The following HACD2 variants were observed in gnomAD, a reference collection of about 807,000 sequenced individuals.
HACD2 encodes 3-hydroxyacyl-CoA dehydratase 2.
Under a neutral mutation model 31.0 loss-of-function variants are expected in HACD2, and 15 were observed. That is an observed-to-expected ratio of 0.48 (90% CI 0.32 to 0.75). HACD2 has a LOEUF of 0.75. HACD2 is among the 30% of genes least tolerant of loss of function. The probability of loss-of-function intolerance (pLI) is 0.03; values close to 1 mark genes in which losing one functional copy is unlikely to be tolerated. For missense variants in HACD2, 283 were observed against 313.0 expected (o/e 0.90, Z 0.72); for synonymous variants, 115 against 122.2 (o/e 0.94, Z 0.39).
chr3:123,513,757 T>C (rs1338564224), intron 4 of HACD2, among the ~76,000 whole-genome samples: 1 of 152,130 alleles, frequency 6.6e-6, no homozygotes. Context: ...ACTTTCTCCA[T>C]TCCAGAATGG....
At chr3:123,553,506 G>C (rs1172554942) in intron 3 of HACD2, among the ~76,000 whole-genome samples, 1 of 152,212 alleles carries the variant, frequency 6.6e-6, no homozygotes, top group Non-Finnish European at 1.5e-5. Flanking sequence ...ATGGGCCCTG[G>C]GCATTCCTGC....
At chr3:123,541,838 A>C (rs2056494037) in intron 3 of HACD2, among the ~76,000 whole-genome samples, 1 of 152,190 alleles carries the variant, frequency 6.6e-6, no homozygotes, top group South Asian at 2.1e-4. Context: ...TCACAATGTA[A>C]AATGCTTGCA....
Position 123,548,762 on chromosome 3 carries a change from A to AC in HACD2, c.292+18999dup, listed in dbSNP as rs201989928. On this transcript the variant is annotated intron_variant, in intron 3 of 6. Transcript: ENST00000383657. ...TCAGCCTCTCTGAGTAGCTGGAACC[A>AC]CAGGTGTGTGTCACCATGCCTGGCT... 4.3e-3 allele frequency among the ~76,000 whole-genome samples: 654 copies of AC among 151,900 alleles called. 4 individuals are homozygous for AC. Among genetic ancestry groups the AC allele is most frequent in the African/African-American group, 0.015 (636 of 41,398 alleles).
chr3:123,564,211 A>G (rs1329330417), intron 3 of HACD2, among the ~76,000 whole-genome samples: 1 of 152,228 alleles, frequency 6.6e-6, no homozygotes, highest in Non-Finnish European at 1.5e-5. Flanking sequence ...TGCACCCAGG[A>G]GCAGACATCC....
intron 2 of HACD2, among the ~76,000 whole-genome samples, chr3:123,570,667 A>G (rs1451719657): frequency 6.6e-6 from 1 of 152,192 alleles, no homozygotes; most frequent in Non-Finnish European, 1.5e-5. Context: ...GGAGGAAAGT[A>G]TCACAGAAAA....
intron 1 of HACD2, 168 bp downstream of exon 1, chr3:123,584,705 G>A: frequency 4.2e-6 from 2 of 473,968 alleles, no homozygotes; most frequent in Non-Finnish European, 7.0e-6. Context: ...CACCGGGGCC[G>A]ATTCAGCGCT....
chr3:123,525,787 G>C (rs2056275995), intron 4 of HACD2, among the ~76,000 whole-genome samples: 1 of 152,178 alleles, frequency 6.6e-6, no homozygotes, highest in South Asian at 2.1e-4. Flanking sequence ...CTACAAGAAA[G>C]TGAGATATAT....
chr3:123,542,909 T>A (rs2056511192), intron 3 of HACD2, among the ~76,000 whole-genome samples: 1 of 152,244 alleles, frequency 6.6e-6, no homozygotes, highest in African/African-American at 2.4e-5. Flanking sequence ...TTAAAATGGA[T>A]GGAATCACAT....
At chr3:123,576,983 G>C (rs1048893914) in intron 2 of HACD2, among the ~76,000 whole-genome samples, 1 of 152,204 alleles carries the variant, frequency 6.6e-6, no homozygotes, top group African/African-American at 2.4e-5. Context: ...GCTGGGGTTA[G>C]AAGACTAACA....
rs192183103 is a variant in HACD2 at position 123,524,606 on chromosome 3, C to T, written c.381+3780G>A. Among the ~76,000 whole-genome samples, 170 of 152,340 alleles carry T rather than the reference C, an allele frequency of 1.1e-3. 1 individual carries two copies. The highest frequency in any genetic ancestry group is 3.9e-3 in the African/African-American group (164 of 41,580). ...TATGGATCTCACACAGGCATTTCCA[C>T]TCCATAGGGGAGTGAGAGAAGTCAG... On this transcript the variant is annotated intron_variant, in intron 4 of 6. Transcript: ENST00000383657.
At chr3:123,581,838 T>C (rs1396345202) in intron 2 of HACD2, among the ~76,000 whole-genome samples, 2 of 152,218 alleles carry the variant, frequency 1.3e-5, no homozygotes, top group African/African-American at 2.4e-5. Context: ...TATTATGTCT[T>C]CTATCTATCA....
At position 123,577,269 on chromosome 3, in the gene HACD2, C is replaced by CT. The variant is rs757031233; in HGVS notation, c.273+4942dup. Among the ~76,000 whole-genome samples, 15 of 152,292 alleles carry CT rather than the reference C, an allele frequency of 9.8e-5. No individual in the cohort carries two copies. In the South Asian group the frequency reaches 2.1e-3, roughly 21 times the overall value. On this transcript the variant is annotated intron_variant, in intron 2 of 6. Coordinates refer to ENST00000383657, the MANE Select transcript of HACD2 (RefSeq NM_198402.5). Reference sequence around the variant, plus strand: ...ACAGTTAACCTCTTTGCAGAGCAATCTTTAACCCATTTGAAATCTCACTGT... The same window carrying CT: ...ACAGTTAACCTCTTTGCAGAGCAATCTTTTAACCCATTTGAAATCTCACTGT...
intron 1 of HACD2, among the ~76,000 whole-genome samples, chr3:123,582,854 A>T (rs2056981277): frequency 6.6e-6 from 1 of 152,124 alleles, no homozygotes; most frequent in Non-Finnish European, 1.5e-5. Context: ...AAAAAAAAAA[A>T]GTTTTTTAGC....
At chr3:123,504,336 A>G (rs1260712222) in intron 4 of HACD2, among the ~76,000 whole-genome samples, 1 of 152,194 alleles carries the variant, frequency 6.6e-6, no homozygotes, top group Non-Finnish European at 1.5e-5. Context: ...TTTGTACTGT[A>G]AACATCTTCA....
chr3:123,501,217 T>C (rs372594831), intron 5 of HACD2, among the ~76,000 whole-genome samples: 8 of 152,318 alleles, frequency 5.3e-5, no homozygotes, highest in African/African-American at 1.9e-4. Flanking sequence ...ATCAAATATA[T>C]ACAATTAAAA....
intron 4 of HACD2, among the ~76,000 whole-genome samples, chr3:123,508,617 A>T (rs1464013318): frequency 6.6e-6 from 1 of 152,202 alleles, no homozygotes; most frequent in Non-Finnish European, 1.5e-5. Context: ...GTTATTTCAA[A>T]GAAATTCCCT....
At chr3:123,548,558 A>G (rs1280133603) in intron 3 of HACD2, among the ~76,000 whole-genome samples, 2 of 152,212 alleles carry the variant, frequency 1.3e-5, no homozygotes, top group Admixed American at 6.5e-5. Flanking sequence ...TTAATGTATC[A>G]ATAGAAAACT....
rs73857674 is a variant in HACD2, at chr3:123,561,779, A to G, written c.292+5983T>C. Among the ~76,000 whole-genome samples the G allele has an allele frequency of 6.6e-3, 905 of 137,402 alleles. 9 individuals carry two copies. The highest frequency in any genetic ancestry group is 0.023 in the African/African-American group (878 of 38,224). The allele number at this position is 137,402 out of a possible 152,430, so 90.1% of individuals were successfully genotyped here. A position where few individuals can be genotyped will look rare whatever the true frequency, so the allele number is the denominator to read the frequency against. On this transcript the variant is annotated intron_variant, in intron 3 of 6. Coordinates refer to ENST00000383657, the MANE Select transcript of HACD2 (RefSeq NM_198402.5). ...ACAACTCTTCTTTGCAGTATTACGG[A>G]AAAAAAAAAAAACATATCTCAGGGT...
chr3:123,507,467 A>G (rs1487464294), intron 4 of HACD2, among the ~76,000 whole-genome samples: 1 of 152,184 alleles, frequency 6.6e-6, no homozygotes, highest in East Asian at 1.9e-4. Context: ...TACAACACAG[A>G]CAAGCCTCCA....
Sources: allele counts gnomAD v4.1 joint callset (sites outside exome capture counted in the v4.1 genomes callset), GRCh38; gene constraint gnomAD v4.1.1; transcripts MANE v1.5; gene names NCBI Gene and HGNC (gene_info 2026-07-23, HGNC 2026-07-21).